The following HYCC1 variants were observed in gnomAD, a reference collection of about 807,000 sequenced individuals.
HYCC1 encodes hyccin.
chr7:22,898,575 A>ATTTCT, the HYCC1 span, among the ~76,000 whole-genome samples: 1,944 of 132,208 alleles, frequency 0.015, 32 homozygotes, highest in East Asian at 0.032. Flanking sequence ...TGGTCCAAAT[A>ATTTCT]TTTCTTTTCT....
the HYCC1 span, among the ~76,000 whole-genome samples, chr7:22,952,366 A>G: frequency 0.25 from 37,538 of 152,004 alleles, 4,825 homozygotes; most frequent in East Asian, 0.47. Context: ...CCACACAACA[A>G]TCTGGAGTAA....
At chr7:22,973,763 CAG>C in the HYCC1 span, among the ~76,000 whole-genome samples, 1 of 152,090 alleles carries the variant, frequency 6.6e-6, no homozygotes, top group Non-Finnish European at 1.5e-5. Context: ...AAGAATTATT[CAG>C]TTCCCTGGTC....
chr7:22,991,255 A>T, the HYCC1 span: 1 of 646,364 alleles, frequency 1.5e-6, no homozygotes, highest in Non-Finnish European at 2.6e-6. Context: ...ATGAGTTTCA[A>T]ACATAAATTA....
the HYCC1 span, among the ~76,000 whole-genome samples, chr7:22,958,275 C>T: frequency 6.6e-6 from 1 of 152,066 alleles, no homozygotes; most frequent in East Asian, 1.9e-4. Context: ...CTGCAACCTA[C>T]CTGTAGAGGC....
At chr7:22,906,666 A>G in the HYCC1 span, among the ~76,000 whole-genome samples, 1 of 152,120 alleles carries the variant, frequency 6.6e-6, no homozygotes, top group East Asian at 1.9e-4. Context: ...AAAAGTAACA[A>G]AAGAAAGATA....
chr7:22,947,113 G>A, the HYCC1 span: 1 of 1,550,402 alleles, frequency 6.4e-7, no homozygotes, highest in Non-Finnish European at 8.7e-7. Context: ...CCCTGTATAT[G>A]CTGAGCATCA....
the HYCC1 span, chr7:22,985,691 G>C: frequency 2.6e-5 from 4 of 151,870 alleles, no homozygotes; most frequent in Non-Finnish European, 5.9e-5. Context: ...AAAAGATCTC[G>C]AGGCAACATT....
the HYCC1 span, chr7:22,990,951 C>A: frequency 1.4e-6 from 1 of 729,288 alleles, no homozygotes; most frequent in Non-Finnish European, 2.5e-6. Context: ...GAAAATACTT[C>A]CACAGATATT....
the HYCC1 span, among the ~76,000 whole-genome samples, chr7:23,013,353 C>T: frequency 6.6e-6 from 1 of 152,234 alleles, no homozygotes; most frequent in African/African-American, 2.4e-5. Context: ...GACCAAAGAC[C>T]GACTCGGGCC....
chr7:22,997,035 C>T, the HYCC1 span, among the ~76,000 whole-genome samples: 8 of 152,110 alleles, frequency 5.3e-5, no homozygotes, highest in African/African-American at 1.9e-4. Context: ...CATTAGAAGG[C>T]TTGCTAGGAG....
the HYCC1 span, chr7:22,977,238 T>C: frequency 2.6e-6 from 2 of 755,146 alleles, no homozygotes; most frequent in Non-Finnish European, 4.8e-6. Flanking sequence ...CTTTTGCAGG[T>C]ACTAATAAAT....
chr7:22,904,500 G>A, the HYCC1 span, among the ~76,000 whole-genome samples: 1 of 151,310 alleles, frequency 6.6e-6, no homozygotes, highest in African/African-American at 2.4e-5. Context: ...ACTTATTCCT[G>A]GAAAGCAAAG....
the HYCC1 span, among the ~76,000 whole-genome samples, chr7:22,907,630 CT>C: frequency 6.6e-6 from 1 of 152,194 alleles, no homozygotes; most frequent in Non-Finnish European, 1.5e-5. Context: ...CAGATTTCAG[CT>C]GGGTGCGGGG....
At chr7:22,896,119 CT>C in the HYCC1 span, among the ~76,000 whole-genome samples, 2 of 152,174 alleles carry the variant, frequency 1.3e-5, no homozygotes, top group South Asian at 2.1e-4. Context: ...TTGCTTCCCC[CT>C]AGCCAAAAAG....
At chr7:22,931,542 T>G in the HYCC1 span, among the ~76,000 whole-genome samples, 1 of 152,142 alleles carries the variant, frequency 6.6e-6, no homozygotes, top group South Asian at 2.1e-4. Context: ...AATTTTGAGA[T>G]ACATGATAGA....
the HYCC1 span, among the ~76,000 whole-genome samples, chr7:22,987,635 C>G: frequency 6.6e-6 from 1 of 152,110 alleles, no homozygotes; most frequent in Non-Finnish European, 1.5e-5. Flanking sequence ...TCAAAAATTT[C>G]ATCTCTACAC....
the HYCC1 span, among the ~76,000 whole-genome samples, chr7:22,987,054 T>C: frequency 4.6e-5 from 7 of 152,298 alleles, no homozygotes; most frequent in African/African-American, 1.4e-4. Context: ...GAGTCACATA[T>C]TGAGATTCAG....
the HYCC1 span, among the ~76,000 whole-genome samples, chr7:22,950,569 T>C: frequency 6.6e-6 from 1 of 151,954 alleles, no homozygotes; most frequent in South Asian, 2.1e-4. Flanking sequence ...ACTGGATAAA[T>C]GAAATACATA....
At chr7:22,948,815 A>C in the HYCC1 span, among the ~76,000 whole-genome samples, 1 of 152,042 alleles carries the variant, frequency 6.6e-6, no homozygotes, top group African/African-American at 2.4e-5. Flanking sequence ...GTAGTAGTGC[A>C]CTGCTGCTTC....
Sources: gnomAD v4.1 joint callset for allele counts (sites outside exome capture counted in the v4.1 genomes callset) on GRCh38, gnomAD v4.1.1 for gene constraint, MANE v1.5 for transcripts, NCBI Gene and HGNC (gene_info 2026-07-23, HGNC 2026-07-21) for gene names.